Variants in PTPRN2 observed in about 807,000 individuals in gnomAD.
The protein encoded by PTPRN2 is receptor-type tyrosine-protein phosphatase N2.
In PTPRN2, 74 loss-of-function variants were observed where a neutral mutation model predicts 118.8. That is an observed-to-expected ratio of 0.62 (90% CI 0.52 to 0.76). The LOEUF is 0.76. Among genes scored for constraint, PTPRN2 ranks in the 30% least tolerant of loss-of-function variants. The pLI is 0.00. For synonymous variants in PTPRN2, 641 were observed against 608.0 expected (o/e 1.05, Z -0.80); for missense variants, 1,481 against 1,394.4 (o/e 1.06, Z -0.99).
chr7:157,628,108 C>T (rs779469259), intron 14 of PTPRN2, among the ~76,000 whole-genome samples: 23 of 152,162 alleles, frequency 1.5e-4, no homozygotes, highest in Non-Finnish European at 2.5e-4. Context: ...TGCTGCTAGA[C>T]GGGTTTTGGA....
At chr7:158,246,203 G>A (rs73176132) in intron 3 of PTPRN2, among the ~76,000 whole-genome samples, 1,718 of 151,590 alleles carry the variant, frequency 0.011, 64 homozygotes, top group African/African-American at 0.039. Flanking sequence ...CGGCACATAC[G>A]GCAAAATATA....
chr7:157,862,339 G>A (rs558268244), intron 12 of PTPRN2, among the ~76,000 whole-genome samples: 4 of 152,230 alleles, frequency 2.6e-5, no homozygotes, highest in Non-Finnish European at 5.9e-5. Flanking sequence ...CCTCTGTTAG[G>A]AAGTTCCCTG....
At chr7:158,271,630 A>G (rs1798521499) in intron 3 of PTPRN2, among the ~76,000 whole-genome samples, 1 of 152,232 alleles carries the variant, frequency 6.6e-6, no homozygotes, top group Non-Finnish European at 1.5e-5. Flanking sequence ...TAGGTGTCTC[A>G]GCCCATGCAG....
intron 2 of PTPRN2, among the ~76,000 whole-genome samples, chr7:158,381,922 A>G (rs754166792): frequency 6.6e-6 from 1 of 152,178 alleles, no homozygotes; most frequent in African/African-American, 2.4e-5. Flanking sequence ...CACTACCATG[A>G]GAACAGCACG....
At position 158,205,166 on chromosome 7, in the gene PTPRN2, C is replaced by T; in HGVS notation, c.380+5G>A. The T allele has an allele frequency of 6.2e-7, 1 of 1,610,674 alleles. No homozygotes were observed. On this transcript the variant is annotated splice_donor_5th_base_variant and intron_variant, in intron 4 of 22. Coordinates refer to ENST00000389418, the MANE Select transcript of PTPRN2 (RefSeq NM_002847.5). ...CAAGGAGCAACAAGCCACGTCCACA[C>T]TTACCTGGCTGGGCTGGATGCTTCA...
At chr7:158,001,149 T>G (rs1585178128) in intron 11 of PTPRN2, among the ~76,000 whole-genome samples, 10 of 34,588 alleles carry the variant, frequency 2.9e-4, no homozygotes, top group Admixed American at 4.2e-4. Flanking sequence ...GGGTGCAAGG[T>G]GGGGCTGGGG....
chr7:158,155,400 G>A (rs1290804453), intron 6 of PTPRN2, among the ~76,000 whole-genome samples: 1 of 151,734 alleles, frequency 6.6e-6, no homozygotes, highest in Admixed American at 6.6e-5. Flanking sequence ...TACACAGTTA[G>A]CCACATCTGA....
chr7:158,264,260 G>A (rs949642853), intron 3 of PTPRN2, among the ~76,000 whole-genome samples: 5 of 152,154 alleles, frequency 3.3e-5, no homozygotes, highest in Non-Finnish European at 1.5e-5. Context: ...ATTCAGTAGG[G>A]GAAATAAAAT....
At chr7:158,171,870 C>G (rs1287999134) in intron 5 of PTPRN2, among the ~76,000 whole-genome samples, 1 of 152,174 alleles carries the variant, frequency 6.6e-6, no homozygotes, top group Non-Finnish European at 1.5e-5. Context: ...CGTAGCTGCC[C>G]AAACCTGGAA....
intron 11 of PTPRN2, among the ~76,000 whole-genome samples, chr7:157,921,587 A>G (rs1798693837): frequency 6.6e-6 from 1 of 152,172 alleles, no homozygotes; most frequent in African/African-American, 2.4e-5. Flanking sequence ...GAGTGTGATA[A>G]TTCTTGTGGG....
chr7:157,673,378 G>T (rs112810171), intron 13 of PTPRN2, among the ~76,000 whole-genome samples: 3 of 152,168 alleles, frequency 2.0e-5, no homozygotes, highest in Non-Finnish European at 2.9e-5. Context: ...CCACGGAGAC[G>T]TTACATTTTG....
At chr7:157,638,272 C>T (rs1318804452) in intron 14 of PTPRN2, among the ~76,000 whole-genome samples, 1 of 152,052 alleles carries the variant, frequency 6.6e-6, no homozygotes, top group African/African-American at 2.4e-5. Flanking sequence ...TCTTCACCAA[C>T]CAAACGTGCT....
chr7:157,630,422 A>T (rs1441644461), intron 14 of PTPRN2, among the ~76,000 whole-genome samples: 1 of 152,214 alleles, frequency 6.6e-6, no homozygotes, highest in African/African-American at 2.4e-5. Context: ...TCAACTTGCC[A>T]TCTCACTCTC....
chr7:158,421,187 C>T (rs540302034), intron 2 of PTPRN2, among the ~76,000 whole-genome samples: 1 of 152,188 alleles, frequency 6.6e-6, no homozygotes, highest in South Asian at 2.1e-4. Flanking sequence ...GCTGGTGGTC[C>T]CCTGGTGCAC....
At position 157,831,323 on chromosome 7, in the gene PTPRN2, C is replaced by T. The variant is rs1033901159; in HGVS notation, c.1788+67350G>A. Among the ~76,000 whole-genome samples, 1 of 152,188 alleles carries T rather than the reference C, an allele frequency of 6.6e-6. No individual in the cohort carries two copies. The highest frequency in any genetic ancestry group is 1.5e-5 in the Non-Finnish European group (1 of 68,034). The stretch of plus-strand genomic sequence containing the variant: ...GCGGCCACTCCTCCTCCAGGTGTCC[C>T]GCCATGTGCAGCCGTGAATATCCTG... On this transcript the variant is annotated intron_variant, in intron 12 of 22. Coordinates refer to ENST00000389418, the MANE Select transcript of PTPRN2 (RefSeq NM_002847.5). This position sits in a 1 kb window ranked among gnomAD's most constrained non-coding sequence, Gnocchi z 4.8.
At chr7:157,575,675 C>T (rs1229080306) in intron 19 of PTPRN2, among the ~76,000 whole-genome samples, 2 of 152,126 alleles carry the variant, frequency 1.3e-5, no homozygotes, top group African/African-American at 4.8e-5. Context: ...TCTCGTTAAC[C>T]TCCCTCCAGT....
chr7:157,559,313 C>T (rs1465704811), intron 21 of PTPRN2, among the ~76,000 whole-genome samples: 1 of 152,132 alleles, frequency 6.6e-6, no homozygotes, highest in Admixed American at 6.5e-5. Flanking sequence ...GTTGGGCCTG[C>T]GGGCTGGGCA....
At chr7:157,571,773 G>C (rs1302790255) in intron 19 of PTPRN2, among the ~76,000 whole-genome samples, 1 of 152,198 alleles carries the variant, frequency 6.6e-6, no homozygotes, top group East Asian at 1.9e-4. Context: ...CTCCCGGCCT[G>C]TCCTGCCCGT....
intron 12 of PTPRN2, among the ~76,000 whole-genome samples, chr7:157,850,795 G>A (rs1342206742): frequency 6.6e-6 from 1 of 152,208 alleles, no homozygotes; most frequent in East Asian, 1.9e-4. Flanking sequence ...CGGTAGAGTT[G>A]ACGGGAGAAA....
Sources: allele counts gnomAD v4.1 joint callset (sites outside exome capture counted in the v4.1 genomes callset), GRCh38; gene constraint gnomAD v4.1.1; non-coding constraint Gnocchi (gnomAD v3.1); transcripts MANE v1.5; gene names NCBI Gene and HGNC (gene_info 2026-07-23, HGNC 2026-07-21).